MAGI2: variants seen among roughly 807,000 people sequenced by gnomAD.
MAGI2 encodes membrane associated guanylate kinase, WW and PDZ domain containing 2, also known as membrane-associated guanylate kinase, WW and PDZ domain-containing protein 2.
In MAGI2, 35 loss-of-function variants were observed where a neutral mutation model predicts 133.3. The observed-to-expected ratio is 0.26, with a 90% confidence interval of 0.20 to 0.35. The LOEUF (loss-of-function observed/expected upper bound fraction) is 0.35. MAGI2 is among the 10% of genes least tolerant of loss of function. The pLI, the probability that MAGI2 is intolerant of heterozygous loss-of-function variation, is 1.00. For missense variants in MAGI2, 1,636 were observed against 1,863.4 expected (o/e 0.88, Z 2.25); for synonymous variants, 729 against 710.6 (o/e 1.03, Z -0.41).
At chr7:78,327,539 A>T (rs1263951596) in intron 9 of MAGI2, among the ~76,000 whole-genome samples, 1 of 152,192 alleles carries the variant, frequency 6.6e-6, no homozygotes, top group Non-Finnish European at 1.5e-5. Context: ...TCTACCCTGA[A>T]GATTCTGTTT....
chr7:79,080,845 G>A (rs1404895608), intron 1 of MAGI2, among the ~76,000 whole-genome samples: 1 of 152,050 alleles, frequency 6.6e-6, no homozygotes, highest in Non-Finnish European at 1.5e-5. Flanking sequence ...TCCACGCTGT[G>A]TCATCTCCTA....
At chr7:78,260,387 A>C (rs1185877285) in intron 9 of MAGI2, among the ~76,000 whole-genome samples, 6 of 152,150 alleles carry the variant, frequency 3.9e-5, no homozygotes, top group Non-Finnish European at 7.4e-5. Flanking sequence ...CTCTGGCTCT[A>C]ACCTGTTGGC....
intron 1 of MAGI2, among the ~76,000 whole-genome samples, chr7:79,093,043 A>C (rs555420089): frequency 6.6e-6 from 1 of 152,294 alleles, no homozygotes; most frequent in Non-Finnish European, 1.5e-5. Context: ...GGTATTATAA[A>C]TAATTTTTTT....
intron 1 of MAGI2, chr7:79,172,899 A>C (rs2129549022): frequency 6.6e-6 from 1 of 152,214 alleles, no homozygotes; most frequent in East Asian, 1.9e-4. Flanking sequence ...ACTTATATGT[A>C]AAATGTGATA....
chr7:79,335,846 A>AT (rs1017363565), intron 1 of MAGI2, among the ~76,000 whole-genome samples: 24 of 152,146 alleles, frequency 1.6e-4, no homozygotes, highest in African/African-American at 5.5e-4. Context: ...CTTGGTCTAC[A>AT]TTTTTTAACA....
intron 6 of MAGI2, among the ~76,000 whole-genome samples, chr7:78,441,863 T>C (rs995853609): frequency 5.3e-5 from 8 of 152,178 alleles, no homozygotes; most frequent in Non-Finnish European, 1.0e-4. Context: ...GTTTTAGCTT[T>C]AGCCTCACAT....
intron 6 of MAGI2, among the ~76,000 whole-genome samples, chr7:78,377,734 A>G (rs1794579481): frequency 6.6e-6 from 1 of 151,764 alleles, no homozygotes; most frequent in Non-Finnish European, 1.5e-5. Context: ...GGGGGTGCTC[A>G]TGAACTAAAA....
At chr7:78,350,739 A>G (rs1194417777) in intron 7 of MAGI2, among the ~76,000 whole-genome samples, 1 of 152,076 alleles carries the variant, frequency 6.6e-6, no homozygotes, top group Non-Finnish European at 1.5e-5. Flanking sequence ...TTCATTGTGG[A>G]GAGGAAAGGG....
chr7:78,271,539 C>A (rs112939352), intron 9 of MAGI2, among the ~76,000 whole-genome samples: 40 of 152,118 alleles, frequency 2.6e-4, no homozygotes, highest in African/African-American at 9.2e-4. Context: ...GTACCAGATC[C>A]TCTTTGTAGC....
intron 1 of MAGI2, among the ~76,000 whole-genome samples, chr7:79,136,942 G>T (rs545399249): frequency 1.5e-3 from 227 of 152,232 alleles, no homozygotes; most frequent in African/African-American, 5.3e-3. Flanking sequence ...TTGGTCCCAG[G>T]GGTCCACCAG....
chr7:78,478,489 T>C (rs989132421), intron 6 of MAGI2, among the ~76,000 whole-genome samples: 1 of 151,870 alleles, frequency 6.6e-6, no homozygotes, highest in African/African-American at 2.4e-5. Context: ...ATCTGAAAAA[T>C]GGGAGTTCAA....
At chr7:78,745,540 A>G (rs1822848616) in intron 2 of MAGI2, among the ~76,000 whole-genome samples, 1 of 151,588 alleles carries the variant, frequency 6.6e-6, no homozygotes, top group African/African-American at 2.4e-5. Context: ...TTTAAAAAAA[A>G]AAACAACAAC....
At chr7:78,363,969 C>G (rs1262114051) in intron 7 of MAGI2, among the ~76,000 whole-genome samples, 1 of 152,188 alleles carries the variant, frequency 6.6e-6, no homozygotes, top group Non-Finnish European at 1.5e-5. Flanking sequence ...GCACGAAGTG[C>G]ACAATAAGCG....
chr7:79,228,375 G>A (rs1000638346), intron 1 of MAGI2, among the ~76,000 whole-genome samples: 15 of 34,166 alleles, frequency 4.4e-4, no homozygotes, highest in Non-Finnish European at 1.1e-3. Context: ...AAAAAAGATC[G>A]TGGGATTGTC....
chr7:79,417,843 C>A (rs1459001311), intron 1 of MAGI2, among the ~76,000 whole-genome samples: 1 of 151,896 alleles, frequency 6.6e-6, no homozygotes, highest in East Asian at 1.9e-4. Context: ...ATAAATGCTT[C>A]TTCACCACAT....
chr7:78,043,491 C>T (rs572623757), intron 21 of MAGI2, among the ~76,000 whole-genome samples: 19 of 152,226 alleles, frequency 1.2e-4, no homozygotes, highest in Non-Finnish European at 2.1e-4. Flanking sequence ...CCCTTGACCT[C>T]TGGGGCTGGA....
intron 1 of MAGI2, among the ~76,000 whole-genome samples, chr7:79,347,593 C>T (rs1220281647): frequency 3.3e-5 from 5 of 151,858 alleles, no homozygotes; most frequent in African/African-American, 1.2e-4. Flanking sequence ...TCATCTTATA[C>T]TTCTTCCTTG....
intron 10 of MAGI2, among the ~76,000 whole-genome samples, chr7:78,206,658 G>A (rs1375073730): frequency 6.6e-6 from 1 of 152,138 alleles, no homozygotes; most frequent in Non-Finnish European, 1.5e-5. Flanking sequence ...ACATCCTTCT[G>A]TATTCCAGTC....
At chr7:78,870,102 C>A (rs1185243830) in intron 2 of MAGI2, among the ~76,000 whole-genome samples, 1 of 151,868 alleles carries the variant, frequency 6.6e-6, no homozygotes, top group Non-Finnish European at 1.5e-5. Context: ...GGAACTCCAA[C>A]AAATCACCAA....
Sources: gnomAD v4.1 joint callset for allele counts (sites outside exome capture counted in the v4.1 genomes callset) on GRCh38, gnomAD v4.1.1 for gene constraint, MANE v1.5 for transcripts, NCBI Gene and HGNC (gene_info 2026-07-23, HGNC 2026-07-21) for gene names.